The following GLIS3 variants were observed in gnomAD, a reference collection of about 807,000 sequenced individuals.
GLIS3 encodes the protein zinc finger protein GLIS3.
Under a neutral mutation model 78.6 loss-of-function variants are expected in GLIS3, and 53 were observed. The observed-to-expected ratio is 0.67, with a 90% confidence interval of 0.54 to 0.85. The LOEUF is 0.85. Among genes scored for constraint, GLIS3 ranks in the 40% least tolerant of loss-of-function variants. GLIS3 has a pLI of 0.00. For synonymous variants in GLIS3, 684 were observed against 509.9 expected (o/e 1.34, Z -4.60); for missense variants, 1,703 against 1,231.1 (o/e 1.38, Z -5.74).
the GLIS3 span, among the ~76,000 whole-genome samples, chr9:4,457,346 G>C: frequency 6.7e-6 from 1 of 149,628 alleles, no homozygotes; most frequent in Non-Finnish European, 1.5e-5. Flanking sequence ...GGGCGACAGA[G>C]TGAGACCTTG....
intron 1 of GLIS3, among the ~76,000 whole-genome samples, chr9:4,347,957 C>T (rs892063977): frequency 6.6e-6 from 1 of 152,062 alleles, no homozygotes; most frequent in African/African-American, 2.4e-5. Flanking sequence ...TTGTTCATTG[C>T]CCAGGAGTAC....
chr9:4,289,357 G>T (rs1418637296), intron 1 of GLIS3, among the ~76,000 whole-genome samples: 1 of 152,100 alleles, frequency 6.6e-6, no homozygotes, highest in African/African-American at 2.4e-5. Context: ...AATCTGGACG[G>T]TAGACATGGA....
chr9:3,991,632 TG>T (rs1222062737), intron 4 of GLIS3, among the ~76,000 whole-genome samples: 1 of 152,014 alleles, frequency 6.6e-6, no homozygotes, highest in Non-Finnish European at 1.5e-5. Context: ...TTGCTTATCT[TG>T]GGGTTACTGT....
intron 9 of GLIS3, among the ~76,000 whole-genome samples, chr9:3,852,291 C>T (rs2130192048): frequency 6.6e-6 from 1 of 152,274 alleles, no homozygotes; most frequent in East Asian, 1.9e-4. Context: ...GATGGTATTT[C>T]TCCCTGACCT....
intron 4 of GLIS3, among the ~76,000 whole-genome samples, chr9:3,937,666 A>C (rs956343491): frequency 6.6e-6 from 1 of 152,208 alleles, no homozygotes; most frequent in Non-Finnish European, 1.5e-5. Flanking sequence ...GTCCAGGATG[A>C]AAAAGACATG....
chr9:3,926,865 T>C (rs1825293183), intron 6 of GLIS3, among the ~76,000 whole-genome samples: 1 of 152,064 alleles, frequency 6.6e-6, no homozygotes, highest in Admixed American at 6.6e-5. Context: ...CCTCAAGTGA[T>C]CCACCCACCT....
chr9:4,322,990 C>T (rs1197428187), intron 2 of GLIS3, among the ~76,000 whole-genome samples: 58 of 152,136 alleles, frequency 3.8e-4, no homozygotes, highest in Non-Finnish European at 1.0e-4. Context: ...CTTGCCCATG[C>T]CTATGTCCTG....
intron 2 of GLIS3, among the ~76,000 whole-genome samples, chr9:4,261,033 G>C (rs1394471165): frequency 6.6e-6 from 1 of 152,186 alleles, no homozygotes; most frequent in South Asian, 2.1e-4. Flanking sequence ...CTGCTCTAAA[G>C]ACAATGTAGT....
the GLIS3 span, among the ~76,000 whole-genome samples, chr9:4,467,783 C>T: frequency 0.014 from 2,122 of 152,236 alleles, 19 homozygotes; most frequent in Non-Finnish European, 0.022. Context: ...GGATGGAGAA[C>T]GACTCTGACG....
At chr9:3,879,326 C>T in intron 8 of GLIS3, 101 bp downstream of exon 8, 4 of 1,175,318 alleles carry the variant, frequency 3.4e-6, no homozygotes, top group Non-Finnish European at 5.1e-6. Flanking sequence ...ACTCAACCCA[C>T]CAACGGATTA....
intron 4 of GLIS3, among the ~76,000 whole-genome samples, chr9:4,062,938 A>G (rs886970713): frequency 6.6e-6 from 1 of 152,174 alleles, no homozygotes; most frequent in African/African-American, 2.4e-5. Context: ...CAAAAAAAAA[A>G]AAAGAAAGAA....
intron 4 of GLIS3, among the ~76,000 whole-genome samples, chr9:4,103,528 AC>A (rs1227516579): frequency 6.6e-6 from 1 of 152,184 alleles, no homozygotes; most frequent in Non-Finnish European, 1.5e-5. Flanking sequence ...GAAAAAAACT[AC>A]CAATTGCTGT....
intron 4 of GLIS3, among the ~76,000 whole-genome samples, chr9:4,080,266 A>G (rs1828441846): frequency 6.6e-6 from 1 of 152,170 alleles, no homozygotes. Context: ...ACCATGTCTC[A>G]GGTATTGTGC....
upstream of GLIS3, among the ~76,000 whole-genome samples, chr9:4,302,531 C>T (rs536361471): frequency 6.6e-5 from 10 of 152,192 alleles, no homozygotes; most frequent in Non-Finnish European, 1.5e-4. Flanking sequence ...GTAGCAAACC[C>T]TCAAGAAATG....
upstream of GLIS3, among the ~76,000 whole-genome samples, chr9:4,350,663 T>C (rs542642513): frequency 2.6e-5 from 4 of 152,316 alleles, no homozygotes; most frequent in East Asian, 7.7e-4. Flanking sequence ...AGACCCCACC[T>C]TTGGTATTTC....
chr9:4,331,008 C>T (rs756345012), intron 2 of GLIS3, among the ~76,000 whole-genome samples: 13 of 152,214 alleles, frequency 8.5e-5, no homozygotes, highest in African/African-American at 2.4e-4. Context: ...TAAGACTGTC[C>T]GGGAGCAAAC....
intron 4 of GLIS3, among the ~76,000 whole-genome samples, chr9:4,035,509 T>C (rs933403310): frequency 3.3e-5 from 5 of 151,922 alleles, no homozygotes; most frequent in Non-Finnish European, 7.4e-5. Context: ...TTAGCTCCCA[T>C]GGATTCTCCA....
intron 1 of GLIS3, chr9:4,298,286 G>C (rs1156513141): frequency 2.2e-6 from 1 of 446,422 alleles, no homozygotes; most frequent in Admixed American, 2.4e-5. Context: ...TCACCCTGTG[G>C]TTTCCTTTCG....
rs529857155 is a variant in GLIS3, at chr9:4,057,778, CATG to C, written c.1710+59987_1710+59989del. On this transcript the variant is annotated intron_variant, in intron 4 of 10. Transcript: ENST00000381971. ...AACCTTTGACACTTCTTGGCAAAGACATGATAATACTTTTAATGCTATAAGAGA... is the reference window on the plus strand; with the variant it reads ...AACCTTTGACACTTCTTGGCAAAGACATAATACTTTTAATGCTATAAGAGA... 1.9e-3 allele frequency among the ~76,000 whole-genome samples: 290 copies of C among 152,164 alleles called. 1 individual carries two copies. The highest frequency in any genetic ancestry group is 6.7e-3 in the African/African-American group (279 of 41,526).
Sources: allele counts gnomAD v4.1 joint callset (sites outside exome capture counted in the v4.1 genomes callset), GRCh38; gene constraint gnomAD v4.1.1; transcripts MANE v1.5; gene names NCBI Gene and HGNC (gene_info 2026-07-23, HGNC 2026-07-21).